Variants in NXPH2 observed in about 807,000 individuals in gnomAD.
The protein encoded by NXPH2 is neurexophilin-2.
NXPH2 carries 5 observed loss-of-function variants against 19.8 expected under a neutral mutation model. The ratio of observed to expected loss-of-function variants is 0.25; its 90% CI spans 0.13 to 0.53. The LOEUF is 0.53. Among genes scored for constraint, NXPH2 ranks in the 20% least tolerant of loss-of-function variants. The pLI is 0.96. For missense variants in NXPH2, 289 were observed against 322.8 expected, an observed-to-expected ratio of 0.90 and a Z score of 0.80; for synonymous variants, 154 against 127.4, an observed-to-expected ratio of 1.21 and a Z score of -1.41.
chr2:138,709,167 T>C (rs544933637), intron 1 of NXPH2, among the ~76,000 whole-genome samples: 311 of 152,062 alleles, frequency 2.0e-3, no homozygotes, highest in Middle Eastern at 6.8e-3. Context: ...GATGCTGGGG[T>C]GCTGGCTCCA....
intron 1 of NXPH2, among the ~76,000 whole-genome samples, chr2:138,727,524 A>G (rs1347288510): frequency 2.0e-5 from 3 of 151,810 alleles, no homozygotes; most frequent in African/African-American, 7.3e-5. Context: ...TCATATACTT[A>G]TTTACCATCT....
At chr2:138,742,256 T>C (rs1276292612) in intron 1 of NXPH2, among the ~76,000 whole-genome samples, 1 of 152,112 alleles carries the variant, frequency 6.6e-6, no homozygotes, top group Non-Finnish European at 1.5e-5. Context: ...CTCTTTACTG[T>C]CATGAGGGGC....
intron 1 of NXPH2, among the ~76,000 whole-genome samples, chr2:138,763,298 G>C (rs1573982257): frequency 6.6e-6 from 1 of 151,942 alleles, no homozygotes; most frequent in Admixed American, 6.6e-5. Flanking sequence ...TTAAATTATT[G>C]ACTGCCTAAA....
chr2:138,724,157 A>G (rs552955686), intron 1 of NXPH2, among the ~76,000 whole-genome samples: 1 of 152,122 alleles, frequency 6.6e-6, no homozygotes, highest in African/African-American at 2.4e-5. Context: ...TGTTCTCATC[A>G]TTTAGTTCCC....
chr2:138,695,540 T>C (rs1680817279), intron 1 of NXPH2, among the ~76,000 whole-genome samples: 1 of 152,146 alleles, frequency 6.6e-6, no homozygotes, highest in Non-Finnish European at 1.5e-5. Flanking sequence ...TGTATTTTGA[T>C]TCAAAAACTC....
At chr2:138,698,129 A>G (rs1036949965) in intron 1 of NXPH2, among the ~76,000 whole-genome samples, 1 of 152,150 alleles carries the variant, frequency 6.6e-6, no homozygotes. Flanking sequence ...CTACAATGTT[A>G]TTTATACTTT....
At chr2:138,701,123 G>T (rs530482518) in intron 1 of NXPH2, among the ~76,000 whole-genome samples, 72 of 152,294 alleles carry the variant, frequency 4.7e-4, no homozygotes, top group Admixed American at 7.8e-4. Context: ...CTGTTGTCAG[G>T]TTGGGAGGAT....
intron 1 of NXPH2, among the ~76,000 whole-genome samples, chr2:138,723,467 GA>G (rs908487547): frequency 5.9e-5 from 9 of 152,164 alleles, no homozygotes; most frequent in African/African-American, 2.2e-4. Context: ...ACTCTTCTCT[GA>G]GTGAAGTTTT....
chr2:138,701,378 G>T (rs573008310), intron 1 of NXPH2, among the ~76,000 whole-genome samples: 1 of 152,244 alleles, frequency 6.6e-6, no homozygotes, highest in Admixed American at 6.5e-5. Context: ...AACAGAGCGG[G>T]TTTTAGAAAA....
intron 1 of NXPH2, among the ~76,000 whole-genome samples, chr2:138,730,260 T>A (rs1176189981): frequency 1.3e-5 from 2 of 151,712 alleles, no homozygotes; most frequent in Non-Finnish European, 2.9e-5. Context: ...AGTGGTGCAA[T>A]CATAGCTCAC....
intron 1 of NXPH2, among the ~76,000 whole-genome samples, chr2:138,762,793 A>G (rs1183895543): frequency 6.6e-6 from 1 of 152,210 alleles, no homozygotes; most frequent in Non-Finnish European, 1.5e-5. Flanking sequence ...ACACTCTTCA[A>G]CTGAAAGTAG....
At chr2:138,724,996 A>G (rs1681337686) in intron 1 of NXPH2, among the ~76,000 whole-genome samples, 2 of 152,218 alleles carry the variant, frequency 1.3e-5, no homozygotes, top group Non-Finnish European at 2.9e-5. Flanking sequence ...CTGGTGCTCC[A>G]CAATTATGGA....
intron 1 of NXPH2, among the ~76,000 whole-genome samples, chr2:138,767,481 C>T (rs900457296): frequency 1.1e-4 from 16 of 152,202 alleles, no homozygotes; most frequent in African/African-American, 3.6e-4. Flanking sequence ...TTCTGAGATA[C>T]ATGTGCAGAA....
chr2:138,731,630 C>T (rs1681452722), intron 1 of NXPH2, among the ~76,000 whole-genome samples: 1 of 152,048 alleles, frequency 6.6e-6, no homozygotes, highest in African/African-American at 2.4e-5. Context: ...TCTGTGAACA[C>T]TCAAGATGAT....
At chr2:138,720,152 A>T (rs1681254706) in intron 1 of NXPH2, among the ~76,000 whole-genome samples, 1 of 152,184 alleles carries the variant, frequency 6.6e-6, no homozygotes, top group South Asian at 2.1e-4. Context: ...AACTTGAAAA[A>T]AAAACAGAGG....
chr2:138,701,229 T>A (rs553360118), intron 1 of NXPH2, among the ~76,000 whole-genome samples: 22 of 152,276 alleles, frequency 1.4e-4, no homozygotes, highest in African/African-American at 5.3e-4. Context: ...TACCTTGTTT[T>A]ACGATAAAGG....
chr2:138,779,266 C>T (rs1682312357), intron 1 of NXPH2, among the ~76,000 whole-genome samples: 2 of 152,234 alleles, frequency 1.3e-5, no homozygotes, highest in South Asian at 2.1e-4. Flanking sequence ...AAATCCATCA[C>T]AGATGCTGAC....
intron 1 of NXPH2, among the ~76,000 whole-genome samples, chr2:138,714,948 T>G (rs1487291750): frequency 1.3e-5 from 2 of 152,200 alleles, no homozygotes; most frequent in Non-Finnish European, 2.9e-5. Context: ...AAGAATTTCA[T>G]GAGTAGACAC....
At chr2:138,769,609 G>A (rs1682144755) in intron 1 of NXPH2, among the ~76,000 whole-genome samples, 1 of 152,154 alleles carries the variant, frequency 6.6e-6, no homozygotes. Context: ...ACCACACGCA[G>A]GCAGGACACT....
Sources: allele counts gnomAD v4.1 joint callset (sites outside exome capture counted in the v4.1 genomes callset), GRCh38; gene constraint gnomAD v4.1.1; transcripts MANE v1.5; gene names NCBI Gene and HGNC (gene_info 2026-07-23, HGNC 2026-07-21).